EBF1: variants seen among roughly 807,000 people sequenced by gnomAD.
EBF1 encodes the protein transcription factor COE1.
EBF1 carries 10 observed loss-of-function variants against 68.4 expected under a neutral mutation model. The observed-to-expected ratio is 0.15, with a 90% CI of 0.09 to 0.25. The LOEUF is 0.25. Among genes scored for constraint, EBF1 ranks in the 10% least tolerant of loss-of-function variants. The pLI is 1.00. For synonymous variants in EBF1, 298 were observed against 299.8 expected (o/e 0.99, Z 0.06); for missense variants, 509 against 794.4 (o/e 0.64, Z 4.32).
chr5:158,906,236 C>G (rs115119260), intron 6 of EBF1, among the ~76,000 whole-genome samples: 3,047 of 147,318 alleles, frequency 0.021, 112 homozygotes, highest in African/African-American at 0.072. Context: ...GACAGTTTCA[C>G]TATCCCACCT....
rs73816046 is a variant in EBF1, at chr5:158,744,857, A to T, written c.1037-13700T>A. Among the ~76,000 whole-genome samples, 805 of 152,276 alleles carry T rather than the reference A, an allele frequency of 5.3e-3. 10 individuals carry two copies. Among genetic ancestry groups the T allele is most frequent in the African/African-American group, 0.019 (773 of 41,556 alleles). ...CTTTTAGATTTGGTTAATTCCTGTT[A>T]GTATATTTGGAGCAGTGAAGATGAG... On this transcript the variant is annotated intron_variant, in intron 10 of 15. Transcript: ENST00000313708.
At chr5:158,881,196 C>T (rs186333959) in intron 6 of EBF1, among the ~76,000 whole-genome samples, 1 of 152,012 alleles carries the variant, frequency 6.6e-6, no homozygotes, top group Non-Finnish European at 1.5e-5. Context: ...AAGAGCCACT[C>T]GCGTTCAGGC....
chr5:158,980,200 T>C (rs1313541014), intron 6 of EBF1, among the ~76,000 whole-genome samples: 1 of 152,248 alleles, frequency 6.6e-6, no homozygotes, highest in Non-Finnish European at 1.5e-5. Flanking sequence ...GGTCAGCGTC[T>C]GACTCACTTC....
chr5:158,973,745 T>C (rs917423159), intron 6 of EBF1, among the ~76,000 whole-genome samples: 3 of 152,186 alleles, frequency 2.0e-5, no homozygotes, highest in Non-Finnish European at 4.4e-5. Context: ...TTATCTTCCG[T>C]GGTAAAAATT....
At chr5:158,984,447 AG>A (rs1242622199) in intron 6 of EBF1, among the ~76,000 whole-genome samples, 2 of 152,214 alleles carry the variant, frequency 1.3e-5, no homozygotes, top group South Asian at 4.1e-4. Context: ...AAACTGTACC[AG>A]TAATGTGCTC....
intron 6 of EBF1, among the ~76,000 whole-genome samples, chr5:159,051,590 C>G (rs1187201234): frequency 6.6e-6 from 1 of 151,800 alleles, no homozygotes; most frequent in Admixed American, 6.6e-5. Context: ...ACCGCCGGCC[C>G]GGCTCGGTGC....
chr5:158,811,175 G>A (rs1422734760), intron 8 of EBF1, among the ~76,000 whole-genome samples: 1 of 152,142 alleles, frequency 6.6e-6, no homozygotes. Context: ...ATAGTGTGAC[G>A]TGATACCAGG....
At chr5:158,999,215 G>T (rs1762036179) in intron 6 of EBF1, among the ~76,000 whole-genome samples, 1 of 152,128 alleles carries the variant, frequency 6.6e-6, no homozygotes, top group Non-Finnish European at 1.5e-5. Context: ...AGTGTATAAT[G>T]CCCCAAAAAC....
chr5:158,851,734 G>A (rs1482443688), intron 6 of EBF1, among the ~76,000 whole-genome samples: 7 of 114,374 alleles, frequency 6.1e-5, no homozygotes, highest in Non-Finnish European at 1.1e-4. Flanking sequence ...GAAAGGAAGG[G>A]AAGAGAAAGG....
chr5:158,825,024 T>C (rs759030933), intron 7 of EBF1, among the ~76,000 whole-genome samples: 2 of 152,248 alleles, frequency 1.3e-5, no homozygotes, highest in Non-Finnish European at 2.9e-5. Context: ...CCTTAGCCAC[T>C]GTGAAACCCC....
intron 6 of EBF1, among the ~76,000 whole-genome samples, chr5:158,954,214 A>T (rs1353840496): frequency 2.4e-3 from 368 of 152,282 alleles, no homozygotes; most frequent in African/African-American, 8.6e-3. Flanking sequence ...GGTGGCGTGG[A>T]GGTTGTAAAC....
chr5:159,066,990 C>A (rs1239403678), intron 6 of EBF1, among the ~76,000 whole-genome samples: 1 of 152,080 alleles, frequency 6.6e-6, no homozygotes, highest in Non-Finnish European at 1.5e-5. Context: ...ACATCTCATG[C>A]AAATTAAAGT....
intron 6 of EBF1, among the ~76,000 whole-genome samples, chr5:158,879,943 G>A (rs1798561930): frequency 6.6e-6 from 1 of 152,184 alleles, no homozygotes; most frequent in African/African-American, 2.4e-5. Flanking sequence ...CAGGAAGGGT[G>A]TTTAGAGATC....
At chr5:158,809,066 T>C (rs757331486) in intron 8 of EBF1, among the ~76,000 whole-genome samples, 33 of 152,148 alleles carry the variant, frequency 2.2e-4, no homozygotes, top group Non-Finnish European at 4.0e-4. Context: ...TGTATATACA[T>C]AGGCAAATCA....
At chr5:158,888,743 C>A (rs1352865019) in intron 6 of EBF1, among the ~76,000 whole-genome samples, 1 of 152,056 alleles carries the variant, frequency 6.6e-6, no homozygotes, top group Non-Finnish European at 1.5e-5. Context: ...ATCTCCACTA[C>A]TGCCCTATCA....
intron 6 of EBF1, among the ~76,000 whole-genome samples, chr5:158,847,477 C>T (rs1791753250): frequency 1.3e-5 from 2 of 152,158 alleles, no homozygotes; most frequent in Non-Finnish European, 2.9e-5. Flanking sequence ...GGGGCTGTAG[C>T]TTAACACTGA....
chr5:158,845,737 C>G (rs910359028), intron 6 of EBF1, among the ~76,000 whole-genome samples: 2 of 150,342 alleles, frequency 1.3e-5, no homozygotes, highest in African/African-American at 4.9e-5. Context: ...AAATAACCAC[C>G]AAAGAAAGAT....
intron 6 of EBF1, among the ~76,000 whole-genome samples, chr5:159,065,276 G>A (rs1258859762): frequency 6.6e-6 from 1 of 152,072 alleles, no homozygotes; most frequent in Non-Finnish European, 1.5e-5. Flanking sequence ...ACAACCTTTT[G>A]ACCATTAGAA....
intron 4 of EBF1, among the ~76,000 whole-genome samples, chr5:159,086,121 T>C (rs1374022380): frequency 6.6e-6 from 1 of 152,152 alleles, no homozygotes; most frequent in East Asian, 1.9e-4. Context: ...CAAAAAGCTT[T>C]CAAGAATATG....
Sources: allele counts gnomAD v4.1 joint callset (sites outside exome capture counted in the v4.1 genomes callset), GRCh38; gene constraint gnomAD v4.1.1; transcripts MANE v1.5; gene names NCBI Gene and HGNC (gene_info 2026-07-23, HGNC 2026-07-21).